The following NAP1L4 variants were observed in gnomAD, a reference collection of about 807,000 sequenced individuals.
The protein encoded by NAP1L4 is nucleosome assembly protein 1-like 4.
NAP1L4 carries 15 observed loss-of-function variants against 58.2 expected under a neutral mutation model. The ratio of observed to expected loss-of-function variants is 0.26; its 90% CI spans 0.17 to 0.40. The LOEUF (loss-of-function observed/expected upper bound fraction) is 0.40. Ranked by LOEUF, NAP1L4 falls within the 10% of genes least tolerant of loss-of-function variation. The probability of loss-of-function intolerance (pLI) is 1.00; values close to 1 mark genes in which losing one functional copy is unlikely to be tolerated. For synonymous variants in NAP1L4, 171 were observed against 155.6 expected (o/e 1.10, Z -0.74); for missense variants, 384 against 451.1 (o/e 0.85, Z 1.35).
At chr11:2,988,421 T>TC (rs1320078236) in intron 1 of NAP1L4, among the ~76,000 whole-genome samples, 1 of 152,240 alleles carries the variant, frequency 6.6e-6, no homozygotes, top group Non-Finnish European at 1.5e-5. Flanking sequence ...TTGAACTTGT[T>TC]CGTCTGTCTC....
rs1234356408 is a variant in NAP1L4 at position 2,946,742 on chromosome 11, C to T, written c.*33-1096G>A. 6.6e-6 allele frequency among the ~76,000 whole-genome samples: 1 copy of T among 152,222 alleles called. No individual in the cohort carries two copies. The highest frequency in any genetic ancestry group is 2.4e-5 in the African/African-American group (1 of 41,456). On this transcript the variant is annotated intron_variant, in intron 15 of 15. Transcript: ENST00000380542. The surrounding 1 kb of genome is among the most constrained non-coding windows in gnomAD (Gnocchi z 4.8). ...GAACCCTGGTGTCTAAGCTCCCAAT[C>T]TCAGCCACCCCAGAGGCTGCCCAAA...
intron 8 of NAP1L4, among the ~76,000 whole-genome samples, chr11:2,960,714 A>C (rs1846841932): frequency 6.6e-6 from 1 of 152,230 alleles, no homozygotes; most frequent in African/African-American, 2.4e-5. Flanking sequence ...AAATTAAATT[A>C]AAAGGCATAT....
intron 1 of NAP1L4, among the ~76,000 whole-genome samples, chr11:2,980,175 A>G (rs2134000831): frequency 6.6e-6 from 1 of 152,320 alleles, no homozygotes; most frequent in Admixed American, 6.5e-5. Context: ...AGAACTTGAT[A>G]TTAATAAAAC....
At chr11:2,964,961 C>G (rs962174482) in intron 7 of NAP1L4, among the ~76,000 whole-genome samples, 21 of 152,228 alleles carry the variant, frequency 1.4e-4, no homozygotes, top group Admixed American at 5.9e-4. Context: ...TCCCCTTTCC[C>G]TAGTGTGGAG....
intron 15 of NAP1L4, among the ~76,000 whole-genome samples, chr11:2,947,812 G>C (rs996381581): frequency 6.6e-6 from 1 of 152,200 alleles, no homozygotes; most frequent in Non-Finnish European, 1.5e-5. Context: ...GGTTTGAACA[G>C]ATAACACTCG....
Position 2,971,484 on chromosome 11 carries a change from T to C in NAP1L4, c.366A>G (p.Glu122=). The C allele has an allele frequency of 5.6e-6, 9 of 1,613,968 alleles. No homozygotes were observed. Among genetic ancestry groups the C allele is most frequent in the Non-Finnish European group, 7.6e-6 (9 of 1,180,018 alleles). ...CTTCCTCTTCATTTTCACTGTGCCATTCCGATTCCGCATCTGTTGGTTCAA... is the reference window on the plus strand; with the variant it reads ...CTTCCTCTTCATTTTCACTGTGCCACTCCGATTCCGCATCTGTTGGTTCAA... The part of the protein sequence containing the change: ...GDVEPTDAES[E]WHSENEEEEK... Residue 122 remains glutamate (E), a synonymous_variant, in exon 6 of 16, where the codon GAA becomes GAG. Coordinates refer to ENST00000380542, the MANE Select transcript of NAP1L4 (RefSeq NM_005969.4). The surrounding 1 kb of genome is among the most constrained non-coding windows in gnomAD (Gnocchi z 4.2).
In NAP1L4 at chr11:2,969,954, T is replaced by C. The variant is rs368253390; in HGVS notation, c.403-20A>G. On this transcript the variant is annotated intron_variant, in intron 6 of 15. Coordinates refer to ENST00000380542, the MANE Select transcript of NAP1L4 (RefSeq NM_005969.4). The stretch of plus-strand genomic sequence containing the variant: ...GTCTCCCTAAAAAAAAGATGCAACA[T>C]AGGTAACGAAAATAAAAGTTTACAA... 6.0e-5 allele frequency: 96 copies of C among 1,601,064 alleles called. No individual in the cohort carries two copies. The highest frequency in any genetic ancestry group is 7.7e-5 in the Non-Finnish European group (90 of 1,174,306).
In NAP1L4 at chr11:2,945,620, G is replaced by A. The variant is rs780169910; in HGVS notation, c.*59C>T. ...CCGCCTCCGCTTCCTACTGCTGCTT[G>A]CATTCCGCCGGCTGGCTGGGTTCCT... On this transcript the variant is annotated 3_prime_UTR_variant, in exon 16 of 16. Transcript: ENST00000380542. 3.3e-6 allele frequency: 5 copies of A among 1,536,018 alleles called. No homozygotes were observed. In the South Asian group the frequency reaches 5.9e-5, roughly 18 times the overall value.
intron 1 of NAP1L4, chr11:2,991,167 G>A (rs1474424478): frequency 4.4e-6 from 2 of 456,092 alleles, no homozygotes; most frequent in Non-Finnish European, 8.8e-6. Flanking sequence ...TGACACACAC[G>A]TTAGGGTCTA....
intron 8 of NAP1L4, chr11:2,963,937 T>C: frequency 1.9e-6 from 1 of 518,046 alleles, no homozygotes; most frequent in Non-Finnish European, 3.9e-6. Context: ...GCAAGGCCAT[T>C]TGAAGATGAG....
rs540077495 is a variant in NAP1L4 at position 2,959,683 on chromosome 11, A to C, written c.746+87T>G. 1 of 1,497,298 alleles carries C rather than the reference A, an allele frequency of 6.7e-7. No homozygotes were observed. The highest frequency in any genetic ancestry group is 1.2e-5 in the South Asian group (1 of 83,228). The allele number at this position is 1,497,298 out of a possible 1,614,324, so 92.8% of individuals were successfully genotyped here. ...TTAAGCAGACTCAAGACTGTACTTT[A>C]TTCCTTACTTCTATCTTACCCATCA... On this transcript the variant is annotated intron_variant, in intron 9 of 15. Transcript: ENST00000380542. This position sits in a 1 kb window ranked among gnomAD's most constrained non-coding sequence, Gnocchi z 4.9.
At chr11:2,963,636 C>T in intron 8 of NAP1L4, 2 of 449,424 alleles carry the variant, frequency 4.5e-6, no homozygotes, top group East Asian at 5.6e-5. Context: ...AGAAATCCCA[C>T]TCCTAGTGGC....
chr11:2,981,545 G>C (rs1435617127), intron 1 of NAP1L4, among the ~76,000 whole-genome samples: 1 of 151,624 alleles, frequency 6.6e-6, no homozygotes, highest in East Asian at 1.9e-4. Flanking sequence ...CCCTTTAACG[G>C]AGGCCAGGTG....
chr11:2,970,443 C>T (rs546191782), intron 6 of NAP1L4, among the ~76,000 whole-genome samples: 5 of 151,984 alleles, frequency 3.3e-5, no homozygotes, highest in South Asian at 4.2e-4. Context: ...AAAAAATTGC[C>T]GCAGCAGTAT....
At chr11:2,964,603 G>T in intron 8 of NAP1L4, 77 bp downstream of exon 8, 1 of 1,246,498 alleles carries the variant, frequency 8.0e-7, no homozygotes, top group Non-Finnish European at 1.2e-6. Context: ...TGGGTTTCTT[G>T]CCCCTGGCTC....
chr11:2,953,744 C>T (rs1243591801), intron 12 of NAP1L4, among the ~76,000 whole-genome samples: 1 of 152,224 alleles, frequency 6.6e-6, no homozygotes, highest in Non-Finnish European at 1.5e-5. Context: ...GCCTTTACTG[C>T]CACAGGGGGC....
intron 1 of NAP1L4, among the ~76,000 whole-genome samples, chr11:2,981,411 CCT>C (rs796360428): frequency 7.8e-5 from 6 of 77,162 alleles, no homozygotes; most frequent in African/African-American, 2.3e-4. Context: ...GAGCAAGTAC[CCT>C]GTCTCAAAAA....
At chr11:2,975,272 A>T (rs1316424710) in intron 4 of NAP1L4, among the ~76,000 whole-genome samples, 1 of 151,980 alleles carries the variant, frequency 6.6e-6, no homozygotes, top group Non-Finnish European at 1.5e-5. Flanking sequence ...GAACTATTAC[A>T]TGCCACTGCA....
chr11:2,980,838 G>A (rs973868543), intron 1 of NAP1L4, among the ~76,000 whole-genome samples: 1 of 151,972 alleles, frequency 6.6e-6, no homozygotes, highest in Non-Finnish European at 1.5e-5. Flanking sequence ...GAAATAAAAC[G>A]TGCTATTTTT....
Sources: gnomAD v4.1 joint callset for allele counts (sites outside exome capture counted in the v4.1 genomes callset) on GRCh38, gnomAD v4.1.1 for gene constraint, Gnocchi (gnomAD v3.1) non-coding constraint, MANE v1.5 for transcripts, NCBI Gene and HGNC (gene_info 2026-07-23, HGNC 2026-07-21) for gene names.